The following SCAPER variants were observed in gnomAD, a reference collection of about 807,000 sequenced individuals.
SCAPER encodes S-phase cyclin A associated protein in the ER.
In SCAPER, 98 loss-of-function variants were observed where a neutral mutation model predicts 182.2. The observed-to-expected ratio is 0.54, with a 90% CI of 0.46 to 0.64. SCAPER has a LOEUF of 0.64. Among genes scored for constraint, SCAPER ranks in the 30% least tolerant of loss-of-function variants. The pLI is 0.00. For synonymous variants in SCAPER, 605 were observed against 564.6 expected (o/e 1.07, Z -1.01); for missense variants, 1,432 against 1,690.0 (o/e 0.85, Z 2.68).
chr15:76,610,784 A>G (rs1008515746), intron 22 of SCAPER, among the ~76,000 whole-genome samples: 5 of 152,210 alleles, frequency 3.3e-5, no homozygotes, highest in Non-Finnish European at 7.4e-5. Flanking sequence ...AAAAAGACAT[A>G]AATAAATAGA....
At position 76,862,496 on chromosome 15, in the gene SCAPER, C is replaced by T; in HGVS notation, c.44G>A (p.Arg15Lys). The T allele has an allele frequency of 6.2e-7, 1 of 1,613,198 alleles. No homozygotes were observed. The highest frequency in any genetic ancestry group is 8.5e-7 in the Non-Finnish European group (1 of 1,179,526). Residue 15 changes from arginine to lysine, a missense_variant, in exon 3 of 32, where the codon AGG becomes AAG. Arg to Lys is a conservative substitution (Grantham distance 26, BLOSUM62 2). This residue lies in a region of SCAPER where 480 missense variants were observed against 510.2 expected (regional missense o/e 0.94). Coordinates refer to ENST00000563290, the MANE Select transcript of SCAPER (RefSeq NM_020843.4). ...FQRSNSHDKV[R>K]RIVAEEGRTA... ...ACGACCCTCCTCTGCAACTATTCTCCTTACTTTGTCATGACTATTGGAGCG... is the reference window on the plus strand; with the variant it reads ...ACGACCCTCCTCTGCAACTATTCTCTTTACTTTGTCATGACTATTGGAGCG...
At chr15:76,362,590 C>G (rs1596303482) in intron 29 of SCAPER, among the ~76,000 whole-genome samples, 1 of 149,474 alleles carries the variant, frequency 6.7e-6, no homozygotes, top group African/African-American at 2.5e-5. Flanking sequence ...TTTTTTTATC[C>G]TTAGTAGAGA....
At chr15:76,801,672 C>T in intron 6 of SCAPER, among the ~76,000 whole-genome samples, 1 of 151,612 alleles carries the variant, frequency 6.6e-6, no homozygotes, top group East Asian at 1.9e-4. Flanking sequence ...GTAATCCCAG[C>T]ACTTTGGGAG....
At chr15:76,469,965 G>A (rs778355349) in intron 25 of SCAPER, among the ~76,000 whole-genome samples, 42 of 151,424 alleles carry the variant, frequency 2.8e-4, no homozygotes, top group Non-Finnish European at 5.7e-4. Context: ...CATATATAAT[G>A]TAGCCTTTGA....
chr15:76,588,201 C>T (rs1015688003), intron 22 of SCAPER, among the ~76,000 whole-genome samples: 9 of 152,156 alleles, frequency 5.9e-5, no homozygotes, highest in African/African-American at 1.4e-4. Flanking sequence ...GGATTACAGG[C>T]GTGAGCCACC....
chr15:76,538,698 C>A (rs2044437485), intron 23 of SCAPER, among the ~76,000 whole-genome samples: 1 of 146,364 alleles, frequency 6.8e-6, no homozygotes, highest in Non-Finnish European at 1.5e-5. Flanking sequence ...CACATGTACC[C>A]TAAAACTTAA....
chr15:76,501,922 A>G (rs1004438098), intron 24 of SCAPER, among the ~76,000 whole-genome samples: 9 of 152,228 alleles, frequency 5.9e-5, no homozygotes, highest in African/African-American at 2.2e-4. Flanking sequence ...GTATGCTCTT[A>G]TTCTACATTT....
intron 5 of SCAPER, among the ~76,000 whole-genome samples, chr15:76,831,456 T>C (rs2068473455): frequency 6.8e-6 from 1 of 147,076 alleles, no homozygotes; most frequent in African/African-American, 2.6e-5. Flanking sequence ...CAACATCCCC[T>C]TGTCAGCATG....
intron 5 of SCAPER, among the ~76,000 whole-genome samples, chr15:76,825,711 C>T (rs566166860): frequency 1.3e-5 from 2 of 152,224 alleles, no homozygotes; most frequent in African/African-American, 4.8e-5. Context: ...CCTACTACAC[C>T]TAGTGGTCTG....
intron 2 of SCAPER, among the ~76,000 whole-genome samples, chr15:76,873,331 AAGGCAGGCAGGC>A (rs56176862): frequency 0.13 from 11,066 of 82,718 alleles, 1,324 homozygotes; most frequent in Admixed American, 0.19. Flanking sequence ...GGAAGGAAGG[AAGGCAGGCAGGC>A]AGGCAGGCAG....
At chr15:76,502,224 C>T (rs2041183821) in intron 24 of SCAPER, among the ~76,000 whole-genome samples, 2 of 152,126 alleles carry the variant, frequency 1.3e-5, no homozygotes, top group South Asian at 4.1e-4. Context: ...GATTTATAAT[C>T]CTTTGGGTAT....
intron 25 of SCAPER, among the ~76,000 whole-genome samples, chr15:76,439,578 T>C (rs547623692): frequency 1.6e-4 from 24 of 152,362 alleles, no homozygotes; most frequent in African/African-American, 5.5e-4. Context: ...TATTTGCTTA[T>C]AGAGCAACAC....
At chr15:76,405,750 T>C (rs1221646432) in intron 26 of SCAPER, among the ~76,000 whole-genome samples, 9 of 152,172 alleles carry the variant, frequency 5.9e-5, no homozygotes, top group Admixed American at 1.3e-4. Flanking sequence ...ATGAGAAGGG[T>C]AGGACTGCAA....
At chr15:76,768,703 C>T (rs1276620118) in intron 10 of SCAPER, among the ~76,000 whole-genome samples, 3 of 151,844 alleles carry the variant, frequency 2.0e-5, no homozygotes, top group East Asian at 1.9e-4. Flanking sequence ...GAAATAGATC[C>T]ACAGTTACAG....
In SCAPER at chr15:76,767,087, G is replaced by C. The variant is rs2063159864; in HGVS notation, c.1250C>G (p.Ser417Cys). ...NEMDPSDISN[S>C]MAEVLAKKEE... ...TTTTTTAGCAAGGACTTCTGCCATG[G>C]ACTATAAAGTTAAAAACACATAAAC... Residue 417 changes from serine (S) to cysteine (C), a missense_variant and splice_region_variant, in exon 11 of 32, where the codon TCC becomes TGC. Physicochemically the swap from Ser to Cys is moderately radical, Grantham distance 112. Transcript: ENST00000563290. 1 of 1,573,016 alleles carries C rather than the reference G, an allele frequency of 6.4e-7. No homozygotes were observed. The highest frequency in any genetic ancestry group is 8.6e-7 in the Non-Finnish European group (1 of 1,160,816).
rs915889849 is a variant in SCAPER at position 76,376,390 on chromosome 15, T to G, written c.3706-79A>C. 4.9e-6 allele frequency: 7 copies of G among 1,436,700 alleles called. No homozygotes were observed. In the African/African-American group the frequency reaches 7.2e-5, roughly 15 times the overall value. The allele number at this position is 1,436,700 out of a possible 1,614,324, so 89.0% of individuals were successfully genotyped here. On this transcript the variant is annotated intron_variant, in intron 28 of 31. Transcript: ENST00000563290. ...GCAAATCACAAAGCAAGACTGGCCCTGTGTACTTTCTGCCATGGTGGTGGA... is the reference window on the plus strand; with the variant it reads ...GCAAATCACAAAGCAAGACTGGCCCGGTGTACTTTCTGCCATGGTGGTGGA...
chr15:76,508,245 T>C (rs1228440252), intron 23 of SCAPER, among the ~76,000 whole-genome samples: 1 of 152,180 alleles, frequency 6.6e-6, no homozygotes, highest in East Asian at 1.9e-4. Flanking sequence ...TGTAGCAGTA[T>C]TTCATTCATT....
At chr15:76,812,746 A>G (rs2066732582) in intron 5 of SCAPER, among the ~76,000 whole-genome samples, 1 of 152,148 alleles carries the variant, frequency 6.6e-6, no homozygotes, top group South Asian at 2.1e-4. Context: ...CTGAATTAAG[A>G]AGAAACAGAA....
chr15:76,694,897 A>G (rs2058571128), intron 20 of SCAPER, among the ~76,000 whole-genome samples: 1 of 152,134 alleles, frequency 6.6e-6, no homozygotes, highest in African/African-American at 2.4e-5. Flanking sequence ...GAAAAAAGCA[A>G]TTTTGCAATT....
Sources: gnomAD v4.1 joint callset for allele counts (sites outside exome capture counted in the v4.1 genomes callset) on GRCh38, gnomAD v4.1.1 for gene constraint, gnomAD v4.1.1 regional missense constraint, MANE v1.5 for transcripts, NCBI Gene and HGNC (gene_info 2026-07-23, HGNC 2026-07-21) for gene names.